Variants in UGT1A6 observed in about 807,000 individuals in gnomAD.
UGT1A6 encodes the protein UDP glucuronosyltransferase family 1 member A6.
Under a neutral mutation model 44.4 loss-of-function variants are expected in UGT1A6, and 32 were observed. The observed-to-expected ratio is 0.72, with a 90% CI of 0.54 to 0.97. The LOEUF is 0.97. Ranked by LOEUF, UGT1A6 falls within the 50% of genes least tolerant of loss-of-function variation. The probability of loss-of-function intolerance (pLI) is 0.00; values close to 1 mark genes in which losing one functional copy is unlikely to be tolerated. For missense variants in UGT1A6, 685 were observed against 661.9 expected, an observed-to-expected ratio of 1.03 and a Z score of -0.38; for synonymous variants, 238 against 248.5, an observed-to-expected ratio of 0.96 and a Z score of 0.40.
At chr2:233,718,637 T>A in intron 1 of UGT1A6, 1 of 1,451,650 alleles carries the variant, frequency 6.9e-7, no homozygotes, top group Non-Finnish European at 9.3e-7. Context: ...TTTCCCAGGG[T>A]TGGGCCCATA....
chr2:233,709,499 C>T (rs1449050951), intron 1 of UGT1A6, among the ~76,000 whole-genome samples: 1 of 152,092 alleles, frequency 6.6e-6, no homozygotes, highest in Non-Finnish European at 1.5e-5. Flanking sequence ...GAAGTCTCTG[C>T]CTCTTGCTCT....
chr2:233,691,883 G>A, upstream of UGT1A6: 1 of 154,858 alleles, frequency 6.5e-6, no homozygotes, highest in South Asian at 2.1e-4. Context: ...GTTTGTCTTT[G>A]TTTCCTGGAC....
At chr2:233,729,878 A>G in intron 1 of UGT1A6, 3 of 1,613,834 alleles carry the variant, frequency 1.9e-6, no homozygotes, top group Non-Finnish European at 1.7e-6. Context: ...ATTCTCAGTC[A>G]TGCATCTGTG....
At chr2:233,741,120 A>G (rs947867994) in intron 1 of UGT1A6, among the ~76,000 whole-genome samples, 1 of 151,760 alleles carries the variant, frequency 6.6e-6, no homozygotes, top group Non-Finnish European at 1.5e-5. Flanking sequence ...TTACACTTCT[A>G]TAAAAGCAAC....
chr2:233,740,171 G>A (rs920285091), intron 1 of UGT1A6, among the ~76,000 whole-genome samples: 9 of 151,848 alleles, frequency 5.9e-5, no homozygotes, highest in African/African-American at 2.2e-4. Flanking sequence ...ATGTGGAACT[G>A]TGAGTCAATT....
chr2:233,692,514 G>A (rs902529151), upstream of UGT1A6, among the ~76,000 whole-genome samples: 2 of 152,148 alleles, frequency 1.3e-5, no homozygotes, highest in Admixed American at 1.3e-4. Context: ...AACCTGTGGG[G>A]TCCGTGCTAA....
chr2:233,767,950 A>T lies in UGT1A6; in HGVS notation c.1081+14A>T. The T allele has an allele frequency of 6.2e-7, 1 of 1,614,160 alleles. No homozygotes were observed. On this transcript the variant is annotated intron_variant, in intron 3 of 4. Transcript: ENST00000305139. ...ACGATCTGCTTGGTATGTTGGGCGG[A>T]TTGGATGTATAGGTCAAACCAGGGT... is the stretch of plus-strand genomic sequence containing the variant.
intron 1 of UGT1A6, among the ~76,000 whole-genome samples, chr2:233,703,977 G>A (rs139887897): frequency 2.6e-5 from 4 of 151,538 alleles, no homozygotes; most frequent in African/African-American, 4.9e-5. Flanking sequence ...TGCAACCTCC[G>A]CCTCCTGGGT....
chr2:233,727,225 C>T (rs1417750017), intron 1 of UGT1A6, among the ~76,000 whole-genome samples: 8 of 152,168 alleles, frequency 5.3e-5, no homozygotes, highest in South Asian at 4.1e-4. Context: ...TCCACATATG[C>T]GGATGGCTCC....
chr2:233,768,319 G>T lies in UGT1A6; in HGVS notation c.1181G>T (p.Gly394Val), dbSNP rs367897068. 5.0e-6 allele frequency: 8 copies of T among 1,614,044 alleles called. No homozygotes were observed. Among genetic ancestry groups the T allele is most frequent in the South Asian group, 1.1e-5 (1 of 91,084 alleles). The change falls in exon 4 of 5, where the codon GGT becomes GTT. Residue 394 changes from glycine to valine, a missense_variant. Gly to Val is a moderately radical substitution (Grantham distance 109, BLOSUM62 -3). Transcript: ENST00000305139. The stretch of plus-strand genomic sequence containing the variant: ...CCCATGGTGATGATGCCCTTGTTTG[G>T]TGATCAGATGGACAATGCAAAGCGC... ...GVPMVMMPLFGDQMDNAKRME... is the reference protein window; with the variant it reads ...GVPMVMMPLFVDQMDNAKRME...
chr2:233,725,960 G>A (rs574964594), intron 1 of UGT1A6, among the ~76,000 whole-genome samples: 2 of 152,228 alleles, frequency 1.3e-5, no homozygotes, highest in East Asian at 3.9e-4. Flanking sequence ...GAGCCCAGGA[G>A]TCTGAGAGCA....
rs1212901051 is a variant in UGT1A6 at position 233,697,502 on chromosome 2, C to CT, written c.861+3650dup. Among the ~76,000 whole-genome samples the CT allele has an allele frequency of 9.7e-3, 1,385 of 142,280 alleles. 7 individuals carry two copies. Among genetic ancestry groups the CT allele is most frequent in the African/African-American group, 0.02 (766 of 39,092 alleles). The allele number at this position is 142,280 out of a possible 152,430, so 93.3% of individuals were successfully genotyped here. A position where few individuals can be genotyped will look rare whatever the true frequency, so the allele number is the denominator to read the frequency against. On this transcript the variant is annotated intron_variant, in intron 1 of 4. Transcript: ENST00000305139. Reference sequence around the variant, plus strand: ...CTCAAGGTTTGCCAATTTTGTTTATCTTTTTTTTTTTTTAAAAAACTTTTT... The same window carrying CT: ...CTCAAGGTTTGCCAATTTTGTTTATCTTTTTTTTTTTTTTAAAAAACTTTTT...
intron 1 of UGT1A6, chr2:233,748,229 G>A: frequency 1.4e-6 from 2 of 1,404,944 alleles, no homozygotes; most frequent in Non-Finnish European, 1.9e-6. Flanking sequence ...AAACTGTTAA[G>A]GGGTCTCTAG....
intron 1 of UGT1A6, among the ~76,000 whole-genome samples, chr2:233,764,153 T>C (rs1331955474): frequency 6.6e-6 from 1 of 152,218 alleles, no homozygotes; most frequent in Non-Finnish European, 1.5e-5. Context: ...TTTTGGCTGG[T>C]GAAGTCTCAT....
At position 233,693,672 on chromosome 2, in the gene UGT1A6, A is replaced by G; in HGVS notation, c.668A>G (p.Tyr223Cys). 6.2e-7 allele frequency: 1 copy of G among 1,614,118 alleles called. No individual in the cohort carries two copies. The highest frequency in any genetic ancestry group is 8.5e-7 in the Non-Finnish European group (1 of 1,180,008). Residue 223 changes from tyrosine (Y) to cysteine (C), a missense_variant, in exon 1 of 5, where the codon TAT (tyrosine) becomes TGT (cysteine). Transcript: ENST00000305139. ...LVNLLEPYLFYCLFSKYEELA... is the reference protein window; with the variant it reads ...LVNLLEPYLFCCLFSKYEELA... ...AATTTGTTGGAGCCCTATCTATTTT[A>G]TTGTCTGTTTTCAAAGTATGAAGAA...
At chr2:233,761,149 C>G (rs1575779799) in intron 1 of UGT1A6, 1 of 1,614,176 alleles carries the variant, frequency 6.2e-7, no homozygotes, top group East Asian at 2.2e-5. Context: ...TCCACTATCC[C>G]AGGTGTGTAT....
chr2:233,756,036 T>G (rs1696097976), intron 1 of UGT1A6: 1 of 152,224 alleles, frequency 6.6e-6, no homozygotes, highest in Non-Finnish European at 1.5e-5. Context: ...CCATGTAGCT[T>G]CTGGAAAACT....
chr2:233,698,146 C>A (rs2075427609), intron 1 of UGT1A6, among the ~76,000 whole-genome samples: 1 of 152,142 alleles, frequency 6.6e-6, no homozygotes, highest in Non-Finnish European at 1.5e-5. Flanking sequence ...CAACTGTATT[C>A]CCAGCATGTC....
chr2:233,771,905 G>T (rs1048759513), intron 4 of UGT1A6, among the ~76,000 whole-genome samples: 4 of 151,250 alleles, frequency 2.6e-5, no homozygotes, highest in Non-Finnish European at 5.9e-5. Flanking sequence ...CCTTTCAGGT[G>T]ATAATAGTAA....
Sources: allele counts gnomAD v4.1 joint callset (sites outside exome capture counted in the v4.1 genomes callset), GRCh38; gene constraint gnomAD v4.1.1; transcripts MANE v1.5; gene names NCBI Gene and HGNC (gene_info 2026-07-23, HGNC 2026-07-21).